TSHR: variants seen among roughly 807,000 people sequenced by gnomAD.
TSHR encodes the protein thyroid stimulating hormone receptor, also known as thyrotropin receptor.
A neutral mutation model predicts 64.1 loss-of-function variants in TSHR; 51 were observed. The observed-to-expected ratio is 0.80, with a 90% CI of 0.64 to 1.01. TSHR has a LOEUF of 1.01. Among genes scored for constraint, TSHR ranks in the 50% least tolerant of loss-of-function variants. TSHR has a pLI of 0.00. For missense variants in TSHR, 877 were observed against 942.8 expected (o/e 0.93, Z 0.91); for synonymous variants, 361 against 361.9 (o/e 1.00, Z 0.03).
intron 8 of TSHR, among the ~76,000 whole-genome samples, chr14:81,112,102 G>T (rs77366062): frequency 0.012 from 1,768 of 152,236 alleles, 15 homozygotes; most frequent in Non-Finnish European, 0.019. Context: ...ATTCCAGGTT[G>T]TGGAAAGTGA....
chr14:81,139,008 G>A (rs1246373911), intron 8 of TSHR, among the ~76,000 whole-genome samples: 2 of 152,124 alleles, frequency 1.3e-5, no homozygotes, highest in East Asian at 3.8e-4. Flanking sequence ...TTCCCAGCCT[G>A]ACCACCACCC....
At chr14:81,005,213 GT>G (rs1889534607) in intron 1 of TSHR, among the ~76,000 whole-genome samples, 1 of 79,338 alleles carries the variant, frequency 1.3e-5, no homozygotes, top group South Asian at 4.5e-4. Flanking sequence ...GTGTGTGTGT[GT>G]GTGTGTGTGT....
chr14:81,121,879 C>A (rs1890808044), intron 8 of TSHR, among the ~76,000 whole-genome samples: 2 of 150,692 alleles, frequency 1.3e-5, no homozygotes, highest in African/African-American at 2.4e-5. Flanking sequence ...GAGGCGGAGG[C>A]TGCAAGTGAG....
At chr14:80,958,766 T>C (rs954487811) in intron 1 of TSHR, among the ~76,000 whole-genome samples, 1 of 152,172 alleles carries the variant, frequency 6.6e-6, no homozygotes, top group Non-Finnish European at 1.5e-5. Context: ...TGGTGACCTC[T>C]TTTTGGAATC....
chr14:80,993,091 A>G (rs778434877), intron 1 of TSHR: 3 of 152,222 alleles, frequency 2.0e-5, no homozygotes, highest in African/African-American at 7.2e-5. Context: ...AAAATAAAAT[A>G]TAGATTTGAG....
chr14:81,088,800 C>A (rs967485089), intron 4 of TSHR, among the ~76,000 whole-genome samples: 1 of 152,152 alleles, frequency 6.6e-6, no homozygotes, highest in Non-Finnish European at 1.5e-5. Flanking sequence ...AGTTCATCTT[C>A]ATCCAGACCT....
At chr14:81,044,513 C>T (rs946709192) in intron 1 of TSHR, among the ~76,000 whole-genome samples, 9 of 152,096 alleles carry the variant, frequency 5.9e-5, no homozygotes, top group Non-Finnish European at 1.3e-4. Flanking sequence ...AAAAAATTAT[C>T]CAGGTGTGGT....
intron 3 of TSHR, among the ~76,000 whole-genome samples, chr14:81,070,718 A>C (rs1292047898): frequency 6.6e-6 from 1 of 151,966 alleles, no homozygotes; most frequent in African/African-American, 2.4e-5. Flanking sequence ...TTTTCAACAG[A>C]AATCATGGAA....
rs1166733130 is a variant in TSHR, at chr14:81,073,012, TAAA to T, written c.317+4688_317+4690del. Among the ~76,000 whole-genome samples, 17 of 21,900 alleles carry T rather than the reference TAAA, an allele frequency of 7.8e-4. 4 individuals are homozygous for T. Among genetic ancestry groups the T allele is most frequent in the African/African-American group, 3.0e-3 (14 of 4,702 alleles). The allele number at this position is 21,900 out of a possible 152,430, so 14.4% of individuals were successfully genotyped here. ...ACTCCGTCTCAAAAAAAAAAAAAAA[TAAA>T]AAATAAATATATATATATATATATA... On this transcript the variant is annotated intron_variant, in intron 3 of 9. Transcript: ENST00000298171.
intron 3 of TSHR, among the ~76,000 whole-genome samples, chr14:81,083,619 T>A (rs1454295252): frequency 2.0e-5 from 3 of 152,160 alleles, no homozygotes; most frequent in African/African-American, 7.2e-5. Context: ...CTTACCTGCA[T>A]CACACGAGTC....
At chr14:81,136,737 A>T (rs1891470062) in intron 8 of TSHR, among the ~76,000 whole-genome samples, 1 of 152,096 alleles carries the variant, frequency 6.6e-6, no homozygotes, top group African/African-American at 2.4e-5. Context: ...AAGCACCCAC[A>T]TTTCCCAACA....
rs121908872 is a variant in TSHR at position 81,143,715 on chromosome 14, G to A, written c.1657G>A (p.Ala553Thr). 5.9e-5 allele frequency: 95 copies of A among 1,613,902 alleles called. No individual in the cohort carries two copies. The highest frequency in any genetic ancestry group is 7.7e-5 in the South Asian group (7 of 91,070). ...VGGWVCCFLLALLPLVGISSY... is the reference protein window; with the variant it reads ...VGGWVCCFLLTLLPLVGISSY... ...GGGCTGGGTTTGCTGCTTCCTTCTC[G>A]CCCTGCTTCCTTTGGTGGGAATAAG... Residue 553 changes from alanine (A) to threonine (T), a missense_variant, in exon 10 of 10, where the codon GCC becomes ACC. By Grantham distance (58) the Ala-to-Thr change is moderately conservative. Transcript: ENST00000298171.
chr14:81,094,270 T>C (rs1179255969), intron 6 of TSHR: 2 of 152,244 alleles, frequency 1.3e-5, no homozygotes, highest in African/African-American at 4.8e-5. Context: ...TTTGTCTTGC[T>C]TCACCATGTT....
At chr14:81,020,232 AT>A in intron 1 of TSHR, among the ~76,000 whole-genome samples, 1 of 152,352 alleles carries the variant, frequency 6.6e-6, no homozygotes, top group Middle Eastern at 3.4e-3. Context: ...AATAGCCAAA[AT>A]GTTCTAAAAG....
chr14:80,966,421 C>G (rs1887300390), intron 1 of TSHR, among the ~76,000 whole-genome samples: 1 of 152,058 alleles, frequency 6.6e-6, no homozygotes, highest in Non-Finnish European at 1.5e-5. Context: ...AATACTACCT[C>G]TAGATAGGTG....
chr14:81,108,001 G>A (rs1234142441), intron 7 of TSHR, among the ~76,000 whole-genome samples: 1 of 151,862 alleles, frequency 6.6e-6, no homozygotes, highest in African/African-American at 2.4e-5. Flanking sequence ...AAGTTAAATT[G>A]GAATATAAAT....
intron 2 of TSHR, among the ~76,000 whole-genome samples, chr14:81,065,108 G>A (rs930267654): frequency 3.3e-5 from 5 of 152,016 alleles, no homozygotes; most frequent in African/African-American, 7.2e-5. Flanking sequence ...TCAGCAAAGC[G>A]AGAGTCCTCC....
At chr14:80,989,499 C>T (rs1185799967) in intron 1 of TSHR, among the ~76,000 whole-genome samples, 1 of 152,138 alleles carries the variant, frequency 6.6e-6, no homozygotes, top group Non-Finnish European at 1.5e-5. Flanking sequence ...CTGAACTATT[C>T]ACAGCTCTCC....
intron 1 of TSHR, among the ~76,000 whole-genome samples, chr14:80,973,664 C>A (rs1267256141): frequency 6.6e-6 from 1 of 152,096 alleles, no homozygotes; most frequent in East Asian, 1.9e-4. Flanking sequence ...AATATTCATG[C>A]AAAGGGCTTT....
Sources: allele counts gnomAD v4.1 joint callset (sites outside exome capture counted in the v4.1 genomes callset), GRCh38; gene constraint gnomAD v4.1.1; transcripts MANE v1.5; gene names NCBI Gene and HGNC (gene_info 2026-07-23, HGNC 2026-07-21).